ATP9A: variants seen among roughly 807,000 people sequenced by gnomAD.
ATP9A encodes the protein ATPase phospholipid transporting 9A, also known as probable phospholipid-transporting ATPase IIA.
In ATP9A, 52 loss-of-function variants were observed where a neutral mutation model predicts 144.1. The ratio of observed to expected loss-of-function variants is 0.36; its 90% CI spans 0.29 to 0.45. The LOEUF (loss-of-function observed/expected upper bound fraction) is 0.45, where lower values mean the gene tolerates loss of function less well. Ranked by LOEUF, ATP9A falls within the 20% of genes least tolerant of loss-of-function variation. ATP9A has a pLI of 1.00. For missense variants in ATP9A, 947 were observed against 1,392.7 expected (o/e 0.68, Z 5.09); for synonymous variants, 582 against 557.4 (o/e 1.04, Z -0.62).
At chr20:51,651,296 TATATATTTACATA>T (rs1366834237) in intron 14 of ATP9A, among the ~76,000 whole-genome samples, 1 of 125,678 alleles carries the variant, frequency 8.0e-6, no homozygotes, top group Non-Finnish European at 1.7e-5. Flanking sequence ...TATTATATAA[TATATATTTACATA>T]ATATATTATA....
intron 17 of ATP9A, among the ~76,000 whole-genome samples, chr20:51,625,760 C>T (rs934609090): frequency 1.2e-4 from 18 of 152,336 alleles, no homozygotes; most frequent in African/African-American, 4.1e-4. Flanking sequence ...CTGTGGGTCA[C>T]CAGGTTTTCT....
intron 15 of ATP9A, among the ~76,000 whole-genome samples, chr20:51,635,732 CGGAA>C (rs147846573): frequency 4.4e-5 from 6 of 137,886 alleles, no homozygotes; most frequent in African/African-American, 8.2e-5. Flanking sequence ...GCAAGATGGA[CGGAA>C]GGAAGGAAGG....
At chr20:51,742,637 C>T (rs549566231) in intron 1 of ATP9A, among the ~76,000 whole-genome samples, 1 of 152,278 alleles carries the variant, frequency 6.6e-6, no homozygotes, top group East Asian at 1.9e-4. Flanking sequence ...GCCTCAGCCA[C>T]CCAAGCAGCT....
chr20:51,740,213 C>A (rs2077778956), intron 1 of ATP9A, among the ~76,000 whole-genome samples: 1 of 151,840 alleles, frequency 6.6e-6, no homozygotes, highest in Non-Finnish European at 1.5e-5. Context: ...TGCACCACCA[C>A]ACCTGGCATA....
intron 15 of ATP9A, among the ~76,000 whole-genome samples, chr20:51,637,166 C>A (rs57526371): frequency 6.6e-6 from 1 of 152,076 alleles, no homozygotes; most frequent in Admixed American, 6.6e-5. Context: ...ATTACCATTT[C>A]TACTACTATC....
rs543098172 is a variant in ATP9A at position 51,605,080 on chromosome 20, G to A, written c.2804-60C>T. The stretch of plus-strand genomic sequence containing the variant: ...TCCCTGCGAAAGCCGTGCGCTGCTC[G>A]CCTACACCTGGCTCCTTTCCGCAGT... On this transcript the variant is annotated intron_variant, in intron 26 of 27. Coordinates refer to ENST00000338821, the MANE Select transcript of ATP9A (RefSeq NM_006045.3). The A allele has an allele frequency of 8.9e-5, 126 of 1,411,342 alleles. 2 individuals carry two copies. In the South Asian group the frequency reaches 1.8e-3, roughly 20 times the overall value. 87.4% of individuals were successfully genotyped at this position (1,411,342 alleles called of 1,614,324 possible). A position where few individuals can be genotyped will look rare whatever the true frequency, so the allele number is the denominator to read the frequency against.
At chr20:51,617,349 A>G (rs1254915596) in intron 22 of ATP9A, 141 bp downstream of exon 22, 1 of 864,954 alleles carries the variant, frequency 1.2e-6, no homozygotes, top group African/African-American at 1.7e-5. Context: ...TCCCAGTGAC[A>G]CAAGGTAACT....
At chr20:51,699,674 G>A (rs1184563213) in intron 4 of ATP9A, among the ~76,000 whole-genome samples, 2 of 151,302 alleles carry the variant, frequency 1.3e-5, no homozygotes, top group Non-Finnish European at 2.9e-5. Flanking sequence ...ACGGAGTCTC[G>A]CTCTGTCACC....
intron 1 of ATP9A, among the ~76,000 whole-genome samples, chr20:51,746,977 G>A (rs2077811270): frequency 6.6e-6 from 1 of 152,042 alleles, no homozygotes; most frequent in African/African-American, 2.4e-5. Flanking sequence ...TTGCACTCCA[G>A]CCTGGGCAAC....
At chr20:51,753,839 GT>G (rs1202936685) in intron 1 of ATP9A, among the ~76,000 whole-genome samples, 20 of 142,296 alleles carry the variant, frequency 1.4e-4, no homozygotes, top group South Asian at 2.3e-4. Context: ...GCTAATTTTG[GT>G]TTTTTTTTTT....
intron 22 of ATP9A, among the ~76,000 whole-genome samples, chr20:51,616,651 C>A (rs2077204130): frequency 6.6e-6 from 1 of 152,132 alleles, no homozygotes. Flanking sequence ...CTCGGTGACC[C>A]ATCTTCTTGC....
At chr20:51,699,333 C>CAAAAAAAAAAAAAAAAAAAAAAAAAAAA (rs74175569) in intron 4 of ATP9A, among the ~76,000 whole-genome samples, 1 of 70,460 alleles carries the variant, frequency 1.4e-5, no homozygotes, top group Non-Finnish European at 2.7e-5. Context: ...AACTCAATCT[C>CAAAAAAAAAAAAAAAAAAAAAAAAAAAA]AAAAAAAAAA....
chr20:51,760,378 A>T (rs1463390115), intron 1 of ATP9A, among the ~76,000 whole-genome samples: 4 of 152,124 alleles, frequency 2.6e-5, no homozygotes, highest in Non-Finnish European at 5.9e-5. Context: ...TATTTCCCCT[A>T]AGAGCAATGG....
chr20:51,651,165 T>TATACACAC (rs1555832966), intron 14 of ATP9A, among the ~76,000 whole-genome samples: 16 of 140,284 alleles, frequency 1.1e-4, no homozygotes, highest in African/African-American at 4.3e-4. Flanking sequence ...TATATATATA[T>TATACACAC]ACACACACAC....
intron 2 of ATP9A, 82 bp downstream of exon 2, chr20:51,729,752 A>G (rs2077731931): frequency 1.0e-5 from 14 of 1,383,580 alleles, no homozygotes; most frequent in Non-Finnish European, 1.2e-5. Context: ...CTAAAAAATA[A>G]CATGACATGA....
intron 18 of ATP9A, 39 bp downstream of exon 18, chr20:51,625,153 T>A: frequency 1.3e-6 from 2 of 1,572,992 alleles, no homozygotes; most frequent in Non-Finnish European, 1.7e-6. Flanking sequence ...TAACTGGCAT[T>A]GCCCTGGAGT....
intron 1 of ATP9A, among the ~76,000 whole-genome samples, chr20:51,753,842 T>G (rs909586623): frequency 6.6e-6 from 1 of 151,304 alleles, no homozygotes; most frequent in African/African-American, 2.4e-5. Context: ...AATTTTGGTT[T>G]TTTTTTTTCC....
At chr20:51,618,863 G>A (rs1375563646) in intron 20 of ATP9A, 57 bp from the exon 21 acceptor site, 6 of 1,583,120 alleles carry the variant, frequency 3.8e-6, no homozygotes, top group Non-Finnish European at 5.2e-6. Context: ...TGCGTTGGTG[G>A]AGGTCGCTGC....
chr20:51,741,051 A>T (rs532925174), intron 1 of ATP9A, among the ~76,000 whole-genome samples: 4 of 151,554 alleles, frequency 2.6e-5, no homozygotes, highest in African/African-American at 7.3e-5. Flanking sequence ...AATTAAAAAT[A>T]AATTTTAATT....
Sources: gnomAD v4.1 joint callset for allele counts (sites outside exome capture counted in the v4.1 genomes callset) on GRCh38, gnomAD v4.1.1 for gene constraint, MANE v1.5 for transcripts, NCBI Gene and HGNC (gene_info 2026-07-23, HGNC 2026-07-21) for gene names.